The following RERE variants were observed in gnomAD, a reference collection of about 807,000 sequenced individuals.
RERE encodes the protein arginine-glutamic acid dipeptide repeats protein.
In RERE, 40 loss-of-function variants were observed where a neutral mutation model predicts 146.1. That is an observed-to-expected ratio of 0.27 (90% CI 0.21 to 0.36). RERE has a LOEUF of 0.36. RERE is among the 10% of genes least tolerant of loss of function. RERE has a pLI of 1.00. For synonymous variants in RERE, 1,003 were observed against 866.0 expected (o/e 1.16, Z -2.78); for missense variants, 1,933 against 2,138.7 (o/e 0.90, Z 1.90).
intron 12 of RERE, among the ~76,000 whole-genome samples, chr1:8,421,139 C>A (rs1210346729): frequency 6.6e-6 from 1 of 152,152 alleles, no homozygotes; most frequent in African/African-American, 2.4e-5. Flanking sequence ...CAAGATAGTT[C>A]TGTATCAAAT....
chr1:8,649,877 T>G (rs763183855), intron 2 of RERE, among the ~76,000 whole-genome samples: 1 of 152,118 alleles, frequency 6.6e-6, no homozygotes, highest in Non-Finnish European at 1.5e-5. Flanking sequence ...CCTAATAAAA[T>G]TATTACTGTT....
chr1:8,521,919 A>G (rs1433718864), intron 7 of RERE, among the ~76,000 whole-genome samples: 3 of 152,234 alleles, frequency 2.0e-5, no homozygotes, highest in Non-Finnish European at 2.9e-5. Context: ...TCCAATAGGG[A>G]AAAAAATCAA....
At chr1:8,552,851 C>T (rs1347402778) in intron 6 of RERE, among the ~76,000 whole-genome samples, 5 of 152,302 alleles carry the variant, frequency 3.3e-5, no homozygotes, top group African/African-American at 9.6e-5. Flanking sequence ...TCCACACACA[C>T]GTGTGACCCT....
At chr1:8,458,045 T>A (rs1032760341) in intron 11 of RERE, among the ~76,000 whole-genome samples, 2 of 152,198 alleles carry the variant, frequency 1.3e-5, no homozygotes, top group African/African-American at 2.4e-5. Flanking sequence ...CAATGTAATA[T>A]GTCTCACCTG....
At position 8,817,492 on chromosome 1, in the gene RERE, G is replaced by A. The variant is rs1298164594; in HGVS notation, c.-477C>T. The A allele has an allele frequency of 6.6e-6, 1 of 150,514 alleles. No individual in the cohort carries two copies. The highest frequency in any genetic ancestry group is 2.4e-5 in the African/African-American group (1 of 40,900). The allele number at this position is 150,514 out of a possible 1,614,324, so 9.3% of individuals were successfully genotyped here. On this transcript the variant is annotated 5_prime_UTR_variant, in exon 1 of 23. Transcript: ENST00000400908. ...TTTTTTTTTTAATCCTCAACTAGGA[G>A]AGAAAATGAGGCAGAGACAATGTGG...
intron 1 of RERE, among the ~76,000 whole-genome samples, chr1:8,690,397 G>A (rs1252148946): frequency 6.6e-6 from 1 of 152,208 alleles, no homozygotes; most frequent in Non-Finnish European, 1.5e-5. Context: ...AGCACTTGGG[G>A]AACGGAAAGC....
At chr1:8,398,968 T>G (rs1168109607) in intron 12 of RERE, among the ~76,000 whole-genome samples, 1 of 152,176 alleles carries the variant, frequency 6.6e-6, no homozygotes, top group African/African-American at 2.4e-5. Flanking sequence ...TGAAGTAATA[T>G]GTGTATTTTA....
intron 12 of RERE, among the ~76,000 whole-genome samples, chr1:8,396,488 T>C (rs1363219154): frequency 6.6e-6 from 1 of 152,180 alleles, no homozygotes; most frequent in Non-Finnish European, 1.5e-5. Context: ...AGCAGACTTC[T>C]AAAGACTGCT....
intron 10 of RERE, among the ~76,000 whole-genome samples, chr1:8,475,523 A>T (rs1489307718): frequency 1.3e-5 from 2 of 151,944 alleles, no homozygotes; most frequent in Non-Finnish European, 2.9e-5. Flanking sequence ...ACTAAAAAGA[A>T]ATACAAAAAT....
intron 13 of RERE, among the ~76,000 whole-genome samples, chr1:8,365,555 A>C (rs1203065003): frequency 6.6e-6 from 1 of 152,166 alleles, no homozygotes; most frequent in Non-Finnish European, 1.5e-5. Context: ...TTTTGTAAAA[A>C]CCTAAGATGA....
chr1:8,696,783 G>T (rs189078483), intron 1 of RERE, among the ~76,000 whole-genome samples: 21 of 147,834 alleles, frequency 1.4e-4, no homozygotes, highest in Admixed American at 4.7e-4. Context: ...GGTGGCAGGC[G>T]CCTGTAGTCC....
At chr1:8,448,760 C>T (rs756983596) in intron 11 of RERE, among the ~76,000 whole-genome samples, 26 of 151,936 alleles carry the variant, frequency 1.7e-4, no homozygotes, top group African/African-American at 3.6e-4. Context: ...ACCCGGGAGG[C>T]GCAGGTTGCA....
chr1:8,736,517 CT>C, intron 1 of RERE, among the ~76,000 whole-genome samples: 1 of 152,204 alleles, frequency 6.6e-6, no homozygotes, highest in Non-Finnish European at 1.5e-5. Flanking sequence ...TATACTTGTT[CT>C]TAAAGTGAGC....
chr1:8,359,755 T>C lies in RERE; in HGVS notation c.3618+9A>G. On this transcript the variant is annotated intron_variant, in intron 19 of 22. Transcript: ENST00000400908. ...GCCCCCCGTCACACCTCGCCAACCC[T>C]GGACTCACAGCCGCCCGCTCTGCCT... is the stretch of plus-strand genomic sequence containing the variant. 3 of 1,599,034 alleles carry C rather than the reference T, an allele frequency of 1.9e-6. No individual in the cohort carries two copies. Among genetic ancestry groups the C allele is most frequent in the Non-Finnish European group, 2.5e-6 (3 of 1,179,352 alleles).
At chr1:8,803,217 C>T (rs1293054395) in intron 1 of RERE, among the ~76,000 whole-genome samples, 1 of 152,074 alleles carries the variant, frequency 6.6e-6, no homozygotes, top group African/African-American at 2.4e-5. Context: ...TGACTTAACG[C>T]CTGTAATCCC....
chr1:8,664,214 G>A (rs1176620301), intron 1 of RERE, among the ~76,000 whole-genome samples: 2 of 152,152 alleles, frequency 1.3e-5, no homozygotes. Context: ...GCAGCTGACA[G>A]GGGCTGGCCA....
At chr1:8,469,464 T>C (rs910581) in intron 10 of RERE, among the ~76,000 whole-genome samples, 102,469 of 151,840 alleles carry the variant, frequency 0.67, 35,523 homozygotes, top group East Asian at 0.84. Flanking sequence ...TAAAAAACTA[T>C]AAAAATTAGG....
At chr1:8,752,957 TAGAA>T (rs1015759188) in intron 1 of RERE, among the ~76,000 whole-genome samples, 3 of 152,310 alleles carry the variant, frequency 2.0e-5, no homozygotes, top group African/African-American at 4.8e-5. Context: ...CCTGAGCTAT[TAGAA>T]AGAAATGTAT....
At chr1:8,696,591 G>A (rs1639335438) in intron 1 of RERE, among the ~76,000 whole-genome samples, 1 of 152,094 alleles carries the variant, frequency 6.6e-6, no homozygotes, top group African/African-American at 2.4e-5. Context: ...TCCTGCCTAG[G>A]CAACAGAGTG....
Sources: gnomAD v4.1 joint callset for allele counts (sites outside exome capture counted in the v4.1 genomes callset) on GRCh38, gnomAD v4.1.1 for gene constraint, MANE v1.5 for transcripts, NCBI Gene and HGNC (gene_info 2026-07-23, HGNC 2026-07-21) for gene names.